The following CDKL1 variants were observed in gnomAD, a reference collection of about 807,000 sequenced individuals.
CDKL1 encodes the protein cyclin dependent kinase like 1, also known as cyclin-dependent kinase-like 1.
Under a neutral mutation model 42.0 loss-of-function variants are expected in CDKL1, and 41 were observed. The ratio of observed to expected loss-of-function variants is 0.98; its 90% CI spans 0.76 to 1.27. CDKL1 has a LOEUF of 1.27. Among genes scored for constraint, CDKL1 ranks in the 50% most tolerant of loss-of-function variants. The probability of loss-of-function intolerance (pLI) is 0.00; values close to 1 mark genes in which losing one functional copy is unlikely to be tolerated. For missense variants in CDKL1, 394 were observed against 428.4 expected (o/e 0.92, Z 0.71); for synonymous variants, 153 against 158.6 (o/e 0.96, Z 0.26).
At chr14:50,371,130 C>T (rs186041815) in intron 2 of CDKL1, among the ~76,000 whole-genome samples, 92 of 152,270 alleles carry the variant, frequency 6.0e-4, no homozygotes, top group African/African-American at 2.0e-3. Flanking sequence ...ATATATACTA[C>T]ATTTTCTTTA....
rs893101778 is a variant in CDKL1, at chr14:50,359,155, A to G, written c.169-6T>C. On this transcript the variant is annotated splice_polypyrimidine_tract_variant and splice_region_variant and intron_variant, in intron 2 of 9. Transcript: ENST00000395834. ...AGGTTGGGATGCTTGAGTTGCTGAA[A>G]ACACAAAAAAACAAGTTACTAAATT... 5.0e-6 allele frequency: 8 copies of G among 1,596,228 alleles called. No homozygotes were observed. Among genetic ancestry groups the G allele is most frequent in the Non-Finnish European group, 6.8e-6 (8 of 1,168,586 alleles).
intron 2 of CDKL1, among the ~76,000 whole-genome samples, chr14:50,388,287 A>T (rs2035146899): frequency 6.6e-6 from 1 of 152,222 alleles, no homozygotes; most frequent in African/African-American, 2.4e-5. Context: ...AATGCTAGGG[A>T]GCATTTACAT....
intron 4 of CDKL1, among the ~76,000 whole-genome samples, chr14:50,344,465 GTGGTTT>G (rs2033660255): frequency 1.0e-5 from 1 of 98,576 alleles, no homozygotes; most frequent in Non-Finnish European, 1.9e-5. Flanking sequence ...TTTGTTCTTT[GTGGTTT>G]TTTTTTTTTT....
At chr14:50,371,628 G>A (rs922234593) in intron 2 of CDKL1, among the ~76,000 whole-genome samples, 2 of 152,200 alleles carry the variant, frequency 1.3e-5, no homozygotes. Flanking sequence ...CCATGATGCT[G>A]GCTGCAGTGG....
chr14:50,373,067 T>C (rs994984463), intron 2 of CDKL1, among the ~76,000 whole-genome samples: 2 of 152,236 alleles, frequency 1.3e-5, no homozygotes, highest in Non-Finnish European at 2.9e-5. Context: ...TCTATTTCAA[T>C]GGAAAATAAC....
chr14:50,352,550 A>C (rs2033933717), intron 3 of CDKL1, among the ~76,000 whole-genome samples: 2 of 152,228 alleles, frequency 1.3e-5, no homozygotes, highest in Admixed American at 1.3e-4. Context: ...GAGACATAAT[A>C]AACTTAATGT....
At position 50,326,411 on chromosome 14, in the gene CDKL1, A is replaced by G; in HGVS notation, c.*3663T>C. 1.0e-6 allele frequency: 1 copy of G among 964,566 alleles called. No individual in the cohort carries two copies. Among genetic ancestry groups the G allele is most frequent in the Non-Finnish European group, 1.2e-6 (1 of 810,956 alleles). The allele number at this position is 964,566 out of a possible 1,614,324, so 59.8% of individuals were successfully genotyped here. A position where few individuals can be genotyped will look rare whatever the true frequency, so the allele number is the denominator to read the frequency against. On this transcript the variant is annotated 3_prime_UTR_variant, in exon 10 of 10. Coordinates refer to ENST00000395834, the MANE Select transcript of CDKL1 (RefSeq NM_004196.7). ...AACTTTAAAGTTAGTGAAGCATACTACCATAAATGCACAATTATGAAAAAT... is the reference window on the plus strand; with the variant it reads ...AACTTTAAAGTTAGTGAAGCATACTGCCATAAATGCACAATTATGAAAAAT...
At chr14:50,334,870 G>T (rs2033167363) in intron 7 of CDKL1, 6 of 325,504 alleles carry the variant, frequency 1.8e-5, no homozygotes, top group Middle Eastern at 8.3e-4. Flanking sequence ...TACCAATGGA[G>T]ATAGCAAATT....
chr14:50,390,750 A>G (rs530586346), intron 2 of CDKL1, among the ~76,000 whole-genome samples: 11 of 152,360 alleles, frequency 7.2e-5, no homozygotes, highest in African/African-American at 2.4e-4. Flanking sequence ...ATGGAGTTCA[A>G]GTGCATCCAA....
chr14:50,394,416 A>G (rs903520074), intron 2 of CDKL1, among the ~76,000 whole-genome samples: 10 of 152,250 alleles, frequency 6.6e-5, no homozygotes, highest in Non-Finnish European at 1.5e-4. Context: ...TAAATAGAGA[A>G]GTTGCCCTGT....
intron 2 of CDKL1, among the ~76,000 whole-genome samples, chr14:50,372,784 A>T (rs1239227472): frequency 1.3e-5 from 2 of 152,148 alleles, no homozygotes; most frequent in African/African-American, 4.8e-5. Context: ...TATTGAAAAG[A>T]CTATGCTTTT....
At chr14:50,353,780 C>G (rs1235426265) in intron 3 of CDKL1, among the ~76,000 whole-genome samples, 1 of 152,048 alleles carries the variant, frequency 6.6e-6, no homozygotes. Context: ...CCTGTAGTCC[C>G]AGCTACTCAG....
At chr14:50,336,206 T>C in intron 7 of CDKL1, 1 of 1,346,956 alleles carries the variant, frequency 7.4e-7, no homozygotes, top group Non-Finnish European at 9.9e-7. Context: ...TCAGGGTTAC[T>C]GACAGGCAGA....
intron 3 of CDKL1, among the ~76,000 whole-genome samples, chr14:50,347,666 G>A (rs1328649217): frequency 6.6e-6 from 1 of 152,190 alleles, no homozygotes; most frequent in Non-Finnish European, 1.5e-5. Flanking sequence ...GACACCCAAA[G>A]GAAGACTGTG....
At chr14:50,364,621 A>T (rs11844204) in intron 2 of CDKL1, among the ~76,000 whole-genome samples, 2,109 of 152,204 alleles carry the variant, frequency 0.014, 50 homozygotes, top group African/African-American at 0.049. Context: ...TGGTTGCCTC[A>T]CTTGGACCAA....
At chr14:50,387,026 C>CAAAAAAAA (rs1555345090) in intron 2 of CDKL1, among the ~76,000 whole-genome samples, 2 of 139,538 alleles carry the variant, frequency 1.4e-5, no homozygotes, top group African/African-American at 2.8e-5. Context: ...GACTCCGTCT[C>CAAAAAAAA]AAAAAGAAAA....
intron 2 of CDKL1, among the ~76,000 whole-genome samples, chr14:50,377,273 C>T (rs1439729677): frequency 6.6e-6 from 1 of 152,146 alleles, no homozygotes; most frequent in Non-Finnish European, 1.5e-5. Context: ...GGATTCGGTA[C>T]TTGCAGGAGT....
chr14:50,391,758 C>T (rs1453976968), intron 2 of CDKL1, among the ~76,000 whole-genome samples: 1 of 152,126 alleles, frequency 6.6e-6, no homozygotes, highest in Admixed American at 6.5e-5. Flanking sequence ...ACGGGTCCAG[C>T]AATTCTCTCC....
At chr14:50,345,553 G>A (rs927750669) in intron 3 of CDKL1, among the ~76,000 whole-genome samples, 7 of 152,128 alleles carry the variant, frequency 4.6e-5, no homozygotes, top group African/African-American at 1.7e-4. Context: ...TTGTTTGTTT[G>A]GTTTTTTAGA....
Sources: gnomAD v4.1 joint callset for allele counts (sites outside exome capture counted in the v4.1 genomes callset) on GRCh38, gnomAD v4.1.1 for gene constraint, MANE v1.5 for transcripts, NCBI Gene and HGNC (gene_info 2026-07-23, HGNC 2026-07-21) for gene names.